The following GPBP1 variants were observed in gnomAD, a reference collection of about 807,000 sequenced individuals.
GPBP1 encodes the protein GC-rich promoter binding protein 1, also known as vasculin.
A neutral mutation model predicts 56.5 loss-of-function variants in GPBP1; 13 were observed. That is an observed-to-expected ratio of 0.23 (90% CI 0.15 to 0.37). GPBP1 has a LOEUF of 0.37. Among genes scored for constraint, GPBP1 ranks in the 10% least tolerant of loss-of-function variants. GPBP1 has a pLI of 1.00. For missense variants in GPBP1, 477 were observed against 572.3 expected (o/e 0.83, Z 1.70); for synonymous variants, 204 against 188.9 (o/e 1.08, Z -0.66).
At chr5:57,257,116 C>T (rs996284484) in intron 10 of GPBP1, among the ~76,000 whole-genome samples, 4 of 152,090 alleles carry the variant, frequency 2.6e-5, no homozygotes, top group African/African-American at 9.6e-5. Flanking sequence ...TCACTGCAAC[C>T]TCCACCTCCC....
chr5:57,253,877 G>A (rs1425578571), intron 10 of GPBP1, among the ~76,000 whole-genome samples: 1 of 152,204 alleles, frequency 6.6e-6, no homozygotes, highest in East Asian at 1.9e-4. Flanking sequence ...TCCTGCCTCA[G>A]CCTCCCAGAG....
chr5:57,210,079 G>A (rs1755407714), intron 2 of GPBP1, among the ~76,000 whole-genome samples: 1 of 152,122 alleles, frequency 6.6e-6, no homozygotes, highest in Admixed American at 6.6e-5. Context: ...CTTTGAAAAC[G>A]TGGCACAAAT....
chr5:57,178,010 T>A (rs564131785), intron 2 of GPBP1, among the ~76,000 whole-genome samples: 2 of 152,288 alleles, frequency 1.3e-5, no homozygotes, highest in African/African-American at 4.8e-5. Flanking sequence ...TAGACTAGGT[T>A]ATATGTGTTT....
intron 2 of GPBP1, among the ~76,000 whole-genome samples, chr5:57,182,740 G>C (rs553405713): frequency 5.9e-5 from 9 of 152,008 alleles, no homozygotes; most frequent in Non-Finnish European, 1.3e-4. Flanking sequence ...CTGGAGTGCA[G>C]TGGTGCAGTC....
chr5:57,195,935 G>A (rs528750573), intron 2 of GPBP1, among the ~76,000 whole-genome samples: 3 of 129,996 alleles, frequency 2.3e-5, no homozygotes, highest in Non-Finnish European at 4.6e-5. Context: ...CTAGAGAGGC[G>A]GAGATTGTAG....
At chr5:57,182,907 T>TC (rs1334169856) in intron 2 of GPBP1, among the ~76,000 whole-genome samples, 2 of 152,162 alleles carry the variant, frequency 1.3e-5, no homozygotes, top group Non-Finnish European at 2.9e-5. Context: ...AGTCTCGAAC[T>TC]CCTAATCTCA....
intron 7 of GPBP1, 51 bp downstream of exon 7, chr5:57,246,535 T>A: frequency 2.1e-6 from 3 of 1,437,396 alleles, no homozygotes; most frequent in Non-Finnish European, 2.9e-6. Context: ...AACCAATTTA[T>A]GTCCTATGGG....
intron 2 of GPBP1, among the ~76,000 whole-genome samples, chr5:57,204,575 T>C (rs981305188): frequency 1.3e-5 from 2 of 152,208 alleles, no homozygotes; most frequent in Non-Finnish European, 2.9e-5. Flanking sequence ...AAAATTACTT[T>C]CCTTGAATTT....
Position 57,206,214 on chromosome 5 carries a change from CAT to C in GPBP1, c.-57-7859_-57-7858del, listed in dbSNP as rs756447049. On this transcript the variant is annotated intron_variant, in intron 2 of 11. Coordinates refer to ENST00000506184, the MANE Select transcript of GPBP1 (RefSeq NM_022913.4). Reference sequence around the variant, plus strand: ...TACTTTATAGATAATATTTTTTGCACATGTTTTAAATTTTCATGAAGTTCAGT... The same window carrying C: ...TACTTTATAGATAATATTTTTTGCACGTTTTAAATTTTCATGAAGTTCAGT... Among the ~76,000 whole-genome samples, 72 of 152,006 alleles carry C rather than the reference CAT, an allele frequency of 4.7e-4. No individual in the cohort carries two copies. The East Asian group carries it at 6.9e-3, about 15-fold the overall frequency.
intron 6 of GPBP1, among the ~76,000 whole-genome samples, chr5:57,239,102 G>A (rs1580060111): frequency 6.6e-6 from 1 of 152,186 alleles, no homozygotes; most frequent in African/African-American, 2.4e-5. Flanking sequence ...TTCTGTTGAT[G>A]AATTGCTTTG....
chr5:57,213,509 A>T (rs1755580586), intron 2 of GPBP1, among the ~76,000 whole-genome samples: 1 of 150,202 alleles, frequency 6.7e-6, no homozygotes, highest in Non-Finnish European at 1.5e-5. Context: ...CACATAAAGG[A>T]TTCTTAGTTC....
At chr5:57,179,220 T>C (rs544887712) in intron 2 of GPBP1, among the ~76,000 whole-genome samples, 1 of 152,348 alleles carries the variant, frequency 6.6e-6, no homozygotes, top group East Asian at 1.9e-4. Context: ...TTTTTTCTTT[T>C]CATGTACTGC....
intron 3 of GPBP1, among the ~76,000 whole-genome samples, chr5:57,217,899 GTT>G (rs1755767482): frequency 6.6e-6 from 1 of 151,782 alleles, no homozygotes. Flanking sequence ...CAGATTAAGA[GTT>G]TATTTAAAAA....
At chr5:57,220,099 C>G (rs1488390365) in intron 3 of GPBP1, among the ~76,000 whole-genome samples, 1 of 150,888 alleles carries the variant, frequency 6.6e-6, no homozygotes, top group Non-Finnish European at 1.5e-5. Flanking sequence ...TTAAAAAAAG[C>G]TTGTAAATAC....
chr5:57,255,113 C>T (rs897585403), intron 10 of GPBP1, among the ~76,000 whole-genome samples: 1 of 152,150 alleles, frequency 6.6e-6, no homozygotes, highest in African/African-American at 2.4e-5. Flanking sequence ...CCATTTGAAG[C>T]CACTATTCTA....
intron 9 of GPBP1, among the ~76,000 whole-genome samples, chr5:57,250,286 G>A (rs186768111): frequency 6.6e-6 from 1 of 151,936 alleles, no homozygotes; most frequent in African/African-American, 2.4e-5. Flanking sequence ...TTACAGGCGT[G>A]AGCCACTGTA....
intron 10 of GPBP1, among the ~76,000 whole-genome samples, chr5:57,253,784 A>G (rs536780544): frequency 1.1e-4 from 17 of 151,356 alleles, no homozygotes; most frequent in African/African-American, 4.2e-4. Flanking sequence ...AAAACAAAAA[A>G]CAAAAAAAAC....
chr5:57,211,992 A>G (rs1755507376), intron 2 of GPBP1, among the ~76,000 whole-genome samples: 1 of 151,896 alleles, frequency 6.6e-6, no homozygotes, highest in Non-Finnish European at 1.5e-5. Context: ...GCTAGAGGGC[A>G]GTGGCGCGAT....
chr5:57,212,226 G>A (rs542731760), intron 2 of GPBP1, among the ~76,000 whole-genome samples: 5 of 152,188 alleles, frequency 3.3e-5, no homozygotes, highest in African/African-American at 1.2e-4. Flanking sequence ...CCCATTTTTG[G>A]TTAAGTTCTC....
Sources: gnomAD v4.1 joint callset for allele counts (sites outside exome capture counted in the v4.1 genomes callset) on GRCh38, gnomAD v4.1.1 for gene constraint, MANE v1.5 for transcripts, NCBI Gene and HGNC (gene_info 2026-07-23, HGNC 2026-07-21) for gene names.